Variants in ARPP21 observed in about 807,000 individuals in gnomAD.
The protein encoded by ARPP21 is cAMP-regulated phosphoprotein 21.
In ARPP21, 69 loss-of-function variants were observed where a neutral mutation model predicts 113.2. That is an observed-to-expected ratio of 0.61 (90% CI 0.50 to 0.74). ARPP21 has a LOEUF of 0.74. Ranked by LOEUF, ARPP21 falls within the 30% of genes least tolerant of loss-of-function variation. The pLI is 0.00. For synonymous variants in ARPP21, 368 were observed against 375.5 expected (o/e 0.98, Z 0.23); for missense variants, 1,070 against 1,037.4 (o/e 1.03, Z -0.43).
intron 9 of ARPP21, among the ~76,000 whole-genome samples, chr3:35,694,925 T>C (rs1390011394): frequency 6.8e-6 from 1 of 147,490 alleles, no homozygotes; most frequent in African/African-American, 2.5e-5. Flanking sequence ...TATATTTAGA[T>C]ATTATACATA....
chr3:35,725,981 G>A (rs2093504539), intron 14 of ARPP21, among the ~76,000 whole-genome samples: 1 of 152,202 alleles, frequency 6.6e-6, no homozygotes, highest in Non-Finnish European at 1.5e-5. Flanking sequence ...CATCTGTGGA[G>A]TCAAGTTGCC....
At chr3:35,744,044 C>T in intron 19 of ARPP21, 79 bp downstream of exon 19, 5 of 1,472,944 alleles carry the variant, frequency 3.4e-6, no homozygotes, top group Non-Finnish European at 4.7e-6. Context: ...GGATGAGTGT[C>T]CAAGCTTGGC....
At chr3:35,695,858 A>G (rs1338494323) in intron 9 of ARPP21, among the ~76,000 whole-genome samples, 1 of 151,594 alleles carries the variant, frequency 6.6e-6, no homozygotes, top group African/African-American at 2.4e-5. Context: ...GGATTTTTTA[A>G]AATTATTTTT....
At chr3:35,675,340 C>T (rs2077218319) in intron 1 of ARPP21, among the ~76,000 whole-genome samples, 1 of 151,818 alleles carries the variant, frequency 6.6e-6, no homozygotes, top group South Asian at 2.1e-4. Flanking sequence ...CAAACTGAAA[C>T]TAACCTTGAT....
intron 19 of ARPP21, among the ~76,000 whole-genome samples, chr3:35,768,747 C>G (rs1270223707): frequency 6.6e-6 from 1 of 152,174 alleles, no homozygotes; most frequent in African/African-American, 2.4e-5. Flanking sequence ...GCACCCTTTT[C>G]TAAATCATTA....
intron 19 of ARPP21, among the ~76,000 whole-genome samples, chr3:35,774,525 G>A (rs2096296374): frequency 6.6e-6 from 1 of 151,992 alleles, no homozygotes. Flanking sequence ...TAAATACTTA[G>A]AATCCTTCTG....
rs959211232 is a variant in ARPP21, at chr3:35,667,867, A to T, written c.-212-11920A>T. ...AAGAAGAAGAAGAAGAAGAAGAAGA[A>T]GAAGAAGAAGAAGAAGAAGAAGAGG... On this transcript the variant is annotated intron_variant, in intron 1 of 20. Transcript: ENST00000684406. 2.6e-4 allele frequency among the ~76,000 whole-genome samples: 34 copies of T among 131,752 alleles called. 3 individuals are homozygous for T. Among genetic ancestry groups the T allele is most frequent in the African/African-American group, 1.1e-3 (33 of 29,414 alleles). The allele number at this position is 131,752 out of a possible 152,430, so 86.4% of individuals were successfully genotyped here. A position where few individuals can be genotyped will look rare whatever the true frequency, so the allele number is the denominator to read the frequency against.
chr3:35,776,288 G>C (rs1417711492), intron 19 of ARPP21, among the ~76,000 whole-genome samples: 1 of 152,056 alleles, frequency 6.6e-6, no homozygotes, highest in East Asian at 1.9e-4. Context: ...TTTACAAAAT[G>C]GTTACATTAG....
At chr3:35,754,684 CGGT>C (rs2095515002) in intron 19 of ARPP21, among the ~76,000 whole-genome samples, 1 of 151,838 alleles carries the variant, frequency 6.6e-6, no homozygotes, top group African/African-American at 2.4e-5. Context: ...TTCCCAAAAA[CGGT>C]ATAGATGGCC....
intron 1 of ARPP21, among the ~76,000 whole-genome samples, chr3:35,672,815 T>C (rs560566814): frequency 1.7e-4 from 26 of 152,132 alleles, no homozygotes; most frequent in African/African-American, 5.8e-4. Context: ...ACACTAAAGA[T>C]ATAGGACAGG....
At position 35,732,522 on chromosome 3, in the gene ARPP21, C is replaced by A. The variant is rs148567190; in HGVS notation, c.1459+2986C>A. Among the ~76,000 whole-genome samples, 670 of 152,274 alleles carry A rather than the reference C, an allele frequency of 4.4e-3. 2 individuals are homozygous for A. The highest frequency in any genetic ancestry group is 0.015 in the African/African-American group (637 of 41,546). ...CATTCTTCCAAGGCAAGCCTGGAATCTTGGGTTTGATCTTCCTCTGGTTGT... is the reference window on the plus strand; with the variant it reads ...CATTCTTCCAAGGCAAGCCTGGAATATTGGGTTTGATCTTCCTCTGGTTGT... On this transcript the variant is annotated intron_variant, in intron 15 of 20. Coordinates refer to ENST00000684406, the MANE Select transcript of ARPP21 (RefSeq NM_001385562.1).
rs772472351 is a variant in ARPP21 at position 35,737,374 on chromosome 3, G to A, written c.1644+12G>A. ...CTCTGGTCACTCAGGTAGGGGGCTG[G>A]TTGGAAGGCAGGGAAGGGAAGTACC... On this transcript the variant is annotated intron_variant, in intron 16 of 20. Coordinates refer to ENST00000684406, the MANE Select transcript of ARPP21 (RefSeq NM_001385562.1). The A allele has an allele frequency of 6.3e-7, 1 of 1,590,460 alleles. No homozygotes were observed. Among genetic ancestry groups the A allele is most frequent in the Non-Finnish European group, 8.6e-7 (1 of 1,164,212 alleles).
At chr3:35,683,886 G>C in intron 5 of ARPP21, 71 bp downstream of exon 5, 1 of 954,350 alleles carries the variant, frequency 1.0e-6, no homozygotes, top group Non-Finnish European at 1.7e-6. Context: ...TCTTAATTTG[G>C]TGTTAAACAG....
rs963458730 is a variant in ARPP21, at chr3:35,648,969, A to T, written c.-213+8571A>T. On this transcript the variant is annotated intron_variant, in intron 1 of 20. Transcript: ENST00000684406. ...GTAGATATATTTTGTTCCTATATGGATACATATATATTGCTAGAGTCGACA... is the reference window on the plus strand; with the variant it reads ...GTAGATATATTTTGTTCCTATATGGTTACATATATATTGCTAGAGTCGACA... Among the ~76,000 whole-genome samples the T allele has an allele frequency of 3.3e-5, 5 of 152,026 alleles. No homozygotes were observed. In the South Asian group the frequency reaches 1.0e-3, roughly 32 times the overall value.
At chr3:35,640,422 T>C (rs533759527) in intron 1 of ARPP21, 24 bp downstream of exon 1, 1 of 152,356 alleles carries the variant, frequency 6.6e-6, no homozygotes, top group East Asian at 1.9e-4. Context: ...TCTTCCGACG[T>C]GAACATTGCA....
At chr3:35,741,766 C>T (rs1373774859) in intron 18 of ARPP21, among the ~76,000 whole-genome samples, 3 of 152,162 alleles carry the variant, frequency 2.0e-5, no homozygotes, top group African/African-American at 7.2e-5. Flanking sequence ...TTTCTCCCTT[C>T]ACCTCTCTCC....
intron 6 of ARPP21, 47 bp from the exon 7 acceptor site, chr3:35,689,260 C>T (rs1186659879): frequency 4.5e-6 from 4 of 885,998 alleles, no homozygotes; most frequent in Admixed American, 3.4e-5. Flanking sequence ...TTCTACCCCA[C>T]CTTTCCACCA....
chr3:35,678,419 G>A (rs1475971872), intron 1 of ARPP21, among the ~76,000 whole-genome samples: 2 of 151,862 alleles, frequency 1.3e-5, no homozygotes, highest in Non-Finnish European at 2.9e-5. Context: ...TTTAAGACAC[G>A]ATGATTTCTA....
chr3:35,767,121 G>A (rs904141494), intron 19 of ARPP21, among the ~76,000 whole-genome samples: 2 of 152,120 alleles, frequency 1.3e-5, no homozygotes, highest in African/African-American at 4.8e-5. Context: ...GAAACCTGAT[G>A]TTTTAACATA....
Sources: gnomAD v4.1 joint callset for allele counts (sites outside exome capture counted in the v4.1 genomes callset) on GRCh38, gnomAD v4.1.1 for gene constraint, MANE v1.5 for transcripts, NCBI Gene and HGNC (gene_info 2026-07-23, HGNC 2026-07-21) for gene names.